The following FBXO24 variants were observed in gnomAD, a reference collection of about 807,000 sequenced individuals.
FBXO24 encodes F-box only protein 24.
FBXO24 carries 30 observed loss-of-function variants against 63.5 expected under a neutral mutation model. That is an observed-to-expected ratio of 0.47 (90% CI 0.35 to 0.64). FBXO24 has a LOEUF of 0.64. Among genes scored for constraint, FBXO24 ranks in the 30% least tolerant of loss-of-function variants. The pLI, the probability that FBXO24 is intolerant of heterozygous loss-of-function variation, is 0.00. For synonymous variants in FBXO24, 300 were observed against 305.0 expected (o/e 0.98, Z 0.17); for missense variants, 624 against 763.4 (o/e 0.82, Z 2.15).
chr7:100,596,143 G>A (rs1301720172), intron 8 of FBXO24, among the ~76,000 whole-genome samples: 1 of 152,170 alleles, frequency 6.6e-6, no homozygotes, highest in Non-Finnish European at 1.5e-5. Context: ...GCTGGCTGTG[G>A]TGGCACATGC....
Position 100,594,940 on chromosome 7 carries a change from C to T in FBXO24, c.953-162C>T, listed in dbSNP as rs752130799. On this transcript the variant is annotated intron_variant, in intron 6 of 9. Transcript: ENST00000241071. The surrounding 1 kb of genome is among the most constrained non-coding windows in gnomAD (Gnocchi z 4.2). ...CTCCAGCCTGGGTGACCGAGGGAGA[C>T]TCGGTCTCAAAAGATGTGTTTTCAG... 6.6e-6 allele frequency among the ~76,000 whole-genome samples: 1 copy of T among 152,070 alleles called. No individual in the cohort carries two copies. The highest frequency in any genetic ancestry group is 1.5e-5 in the Non-Finnish European group (1 of 68,010).
chr7:100,589,586 G>A, intron 1 of FBXO24: 1 of 1,440,212 alleles, frequency 6.9e-7, no homozygotes, highest in Non-Finnish European at 9.2e-7. Flanking sequence ...CTCCATGGGG[G>A]AGGGGCCTAG....
rs747620132 is a variant in FBXO24, at chr7:100,586,666, T to C, written c.39+2T>C. 4 of 1,613,934 alleles carry C rather than the reference T, an allele frequency of 2.5e-6. No homozygotes were observed. The East Asian group carries it at 6.7e-5, about 27-fold the overall frequency. On this transcript the variant is annotated splice_donor_variant, in intron 1 of 9. Coordinates refer to ENST00000241071, the MANE Select transcript of FBXO24 (RefSeq NM_033506.3). LOFTEE classifies it high-confidence loss of function. ...GTCCCTTTGCTAAGGAGGAGGCGGG[T>C]GAGCTAGAACTTTAAGACTGAGGTT...
rs149428402 is a variant in FBXO24 at position 100,593,498 on chromosome 7, C to T, written c.793+481C>T. ...CAAAAATTAGCCAAGCGTGGTGGCG[C>T]GTGCCTGTAGTCTAAGCTACCTGGG... On this transcript the variant is annotated intron_variant, in intron 5 of 9. Coordinates refer to ENST00000241071, the MANE Select transcript of FBXO24 (RefSeq NM_033506.3). 5.7e-4 allele frequency among the ~76,000 whole-genome samples: 86 copies of T among 151,986 alleles called. No homozygotes were observed. The East Asian group carries it at 7.5e-3, about 13-fold the overall frequency.
At chr7:100,595,075 C>T (rs1490200823) in intron 6 of FBXO24, 27 bp from the exon 7 acceptor site, 1 of 1,613,060 alleles carries the variant, frequency 6.2e-7, no homozygotes, top group Non-Finnish European at 8.5e-7. Flanking sequence ...CCCAAAGCTG[C>T]TGAGCTGAGG....
At chr7:100,588,356 G>A (rs974929723) in intron 1 of FBXO24, among the ~76,000 whole-genome samples, 3 of 152,230 alleles carry the variant, frequency 2.0e-5, no homozygotes, top group Non-Finnish European at 2.9e-5. Context: ...AGGTTGCCCA[G>A]AAATAAGTCA....
In FBXO24 at chr7:100,591,843, G is replaced by A. The variant is rs768566835; in HGVS notation, c.499G>A (p.Gly167Ser). Residue 167 changes from glycine (G) to serine (S), a missense_variant, in exon 4 of 10, where the codon GGC becomes AGC. This residue lies in a region of FBXO24 where 391 missense variants were observed against 469.1 expected (regional missense o/e 0.83). Coordinates refer to ENST00000241071, the MANE Select transcript of FBXO24 (RefSeq NM_033506.3). ...FLKNALVSTL[G>S]QMQWKRACRY... ...CAAAAATGCCCTGGTCTCCACCCTC[G>A]GCCAGATGCAGTGGAAGCGGGCCTG... The A allele has an allele frequency of 1.5e-5, 25 of 1,614,098 alleles. No individual in the cohort carries two copies. The highest frequency in any genetic ancestry group is 1.9e-5 in the Non-Finnish European group (23 of 1,180,044).
chr7:100,591,650 C>T lies in FBXO24; in HGVS notation c.323-17C>T. On this transcript the variant is annotated splice_polypyrimidine_tract_variant and intron_variant, in intron 3 of 9. Coordinates refer to ENST00000241071, the MANE Select transcript of FBXO24 (RefSeq NM_033506.3). ...TCATCTCATCCCTTGAACCTTCCAT[C>T]TCCTTCCTTCCTCCAGACACGAAGG... 1 of 1,611,918 alleles carries T rather than the reference C, an allele frequency of 6.2e-7. No individual in the cohort carries two copies. The highest frequency in any genetic ancestry group is 8.5e-7 in the Non-Finnish European group (1 of 1,177,938).
Position 100,595,709 on chromosome 7 carries a change from G to T in FBXO24, c.1206+3G>T. On this transcript the variant is annotated splice_donor_region_variant and intron_variant, in intron 8 of 9. Coordinates refer to ENST00000241071, the MANE Select transcript of FBXO24 (RefSeq NM_033506.3). ...TGGACCGAGGGGAACCCACACAGGT[G>T]AGACTATTTCCCAGCAACTCTCATC... The T allele has an allele frequency of 6.3e-7, 1 of 1,595,262 alleles. No homozygotes were observed. The highest frequency in any genetic ancestry group is 8.6e-7 in the Non-Finnish European group (1 of 1,167,738).
At chr7:100,587,280 C>T (rs758264906) in intron 1 of FBXO24, among the ~76,000 whole-genome samples, 32 of 151,832 alleles carry the variant, frequency 2.1e-4, no homozygotes, top group Non-Finnish European at 3.4e-4. Context: ...CTCCCTCCCT[C>T]TCCCTTCCGT....
chr7:100,592,983 T>C lies in FBXO24; in HGVS notation c.759T>C (p.Gly253=). 1 of 1,614,082 alleles carries C rather than the reference T, an allele frequency of 6.2e-7. No homozygotes were observed. Among genetic ancestry groups the C allele is most frequent in the Non-Finnish European group, 8.5e-7 (1 of 1,180,004 alleles). The change falls in exon 5 of 10, where the codon GGT becomes GGC. Residue 253 remains glycine, a synonymous_variant. Coordinates refer to ENST00000241071, the MANE Select transcript of FBXO24 (RefSeq NM_033506.3). ...CCTTCAAGCAGATCGTGCTGGTTGG[T>C]CAGGAGACCCAGCGGGCTCTACTGC... is the stretch of plus-strand genomic sequence containing the variant. ...SMTFKQIVLV[G]QETQRALLLL...
At chr7:100,589,633 C>A in intron 1 of FBXO24, 5 of 1,479,632 alleles carry the variant, frequency 3.4e-6, no homozygotes, top group Non-Finnish European at 2.7e-6. Flanking sequence ...CAAGCCTAGG[C>A]TGGGGACATG....
Position 100,590,329 on chromosome 7 carries a change from G to A in FBXO24, c.294G>A (p.Arg98=). The change falls in exon 3 of 10, where the codon CGG becomes CGA. Residue 98 remains arginine, a synonymous_variant. Coordinates refer to ENST00000241071, the MANE Select transcript of FBXO24 (RefSeq NM_033506.3). ...TCCAAGATCAGGGTTCTGGAGTCCG[G>A]CCCTGGAAGAGAGCTGCCATTCTGA... ...PRLQDQGSGV[R]PWKRAAILNY... 1.2e-6 allele frequency: 2 copies of A among 1,613,878 alleles called. No homozygotes were observed. Among genetic ancestry groups the A allele is most frequent in the Non-Finnish European group, 1.7e-6 (2 of 1,179,874 alleles).
chr7:100,591,806 C>G lies in FBXO24; in HGVS notation c.462C>G (p.Thr154=). The G allele has an allele frequency of 6.2e-7, 1 of 1,614,214 alleles. No individual in the cohort carries two copies. The highest frequency in any genetic ancestry group is 8.5e-7 in the Non-Finnish European group (1 of 1,180,044). ...DHVFILDYVG[T]LFFLKNALVS... ...TCTTCATTCTTGACTACGTGGGGACCCTCTTCTTCCTCAAAAATGCCCTGG... is the reference window on the plus strand; with the variant it reads ...TCTTCATTCTTGACTACGTGGGGACGCTCTTCTTCCTCAAAAATGCCCTGG... Residue 154 remains threonine, a synonymous_variant, in exon 4 of 10, where the codon ACC becomes ACG. Coordinates refer to ENST00000241071, the MANE Select transcript of FBXO24 (RefSeq NM_033506.3).
In FBXO24 at chr7:100,595,211, A is replaced by G. The variant is rs774145191; in HGVS notation, c.1062A>G (p.Ser354=). The change falls in exon 7 of 10, where the codon TCA becomes TCG. Residue 354 remains serine (S), a synonymous_variant. Coordinates refer to ENST00000241071, the MANE Select transcript of FBXO24 (RefSeq NM_033506.3). ...PLDQQMPLAL[S]LPAKILFCAL... is the part of the protein sequence containing the mutation. ...ACCAGCAGATGCCGCTTGCTCTCTC[A>G]CTGCCTGCCAAGGTAGGCTCCTGGA... The G allele has an allele frequency of 4.3e-6, 7 of 1,613,884 alleles. No homozygotes were observed. The highest frequency in any genetic ancestry group is 1.3e-5 in the African/African-American group (1 of 74,868).
intron 5 of FBXO24, among the ~76,000 whole-genome samples, chr7:100,593,626 CAAAA>C (rs769155612): frequency 5.1e-5 from 3 of 58,976 alleles, no homozygotes; most frequent in African/African-American, 1.3e-4. Context: ...GACTCCGTCT[CAAAA>C]AAAAAAAAAA....
At chr7:100,598,974 GTC>G (rs1802447475) in intron 8 of FBXO24, among the ~76,000 whole-genome samples, 1 of 149,568 alleles carries the variant, frequency 6.7e-6, no homozygotes, top group South Asian at 2.1e-4. Flanking sequence ...GCGAGACTCC[GTC>G]TCTACAAAAA....
chr7:100,593,626 CAAA>C (rs769155612), intron 5 of FBXO24, among the ~76,000 whole-genome samples: 2 of 58,966 alleles, frequency 3.4e-5, no homozygotes, highest in Non-Finnish European at 3.5e-5. Context: ...GACTCCGTCT[CAAA>C]AAAAAAAAAA....
chr7:100,595,693 G>C lies in FBXO24; in HGVS notation c.1193G>C (p.Gly398Ala), dbSNP rs1327597742. 1 of 1,607,764 alleles carries C rather than the reference G, an allele frequency of 6.2e-7. No individual in the cohort carries two copies. Among genetic ancestry groups the C allele is most frequent in the East Asian group, 2.2e-5 (1 of 44,776 alleles). The change falls in exon 8 of 10, where the codon GGG becomes GCG. Residue 398 changes from glycine to alanine, a missense_variant. Gly to Ala is a moderately conservative substitution (Grantham distance 60). This residue lies in a region of FBXO24 where 216 missense variants were observed against 245.2 expected (regional missense o/e 0.88). Transcript: ENST00000241071. ...GGAACAGGGGACAAAATGGACCGAGGGGAACCCACACAGGTGAGACTATTT... is the reference window on the plus strand; with the variant it reads ...GGAACAGGGGACAAAATGGACCGAGCGGAACCCACACAGGTGAGACTATTT... ...QLGTGDKMDR[G>A]EPTQVCYLQR...
Sources: allele counts gnomAD v4.1 joint callset (sites outside exome capture counted in the v4.1 genomes callset), GRCh38; gene constraint gnomAD v4.1.1; regional missense constraint gnomAD v4.1.1; non-coding constraint Gnocchi (gnomAD v3.1); transcripts MANE v1.5; gene names NCBI Gene and HGNC (gene_info 2026-07-23, HGNC 2026-07-21).